The following MALRD1 variants were observed in gnomAD, a reference collection of about 807,000 sequenced individuals.
MALRD1 encodes the protein MAM and LDL-receptor class A domain-containing protein 1.
In MALRD1, 247 loss-of-function variants were observed where a neutral mutation model predicts 242.1. That is an observed-to-expected ratio of 1.02 (90% confidence interval 0.92 to 1.13). MALRD1 has a LOEUF of 1.13. Ranked by LOEUF, MALRD1 falls within the 50% of genes most tolerant of loss-of-function variation. The pLI is 0.00. For missense variants in MALRD1, 2,989 were observed against 2,533.1 expected (o/e 1.18, Z -3.86); for synonymous variants, 995 against 866.6 (o/e 1.15, Z -2.60).
intron 13 of MALRD1, among the ~76,000 whole-genome samples, chr10:19,172,627 T>C (rs1303769325): frequency 6.6e-6 from 1 of 151,514 alleles, no homozygotes; most frequent in Non-Finnish European, 1.5e-5. Flanking sequence ...TGTGAGCGTG[T>C]ACCTCTTTAG....
At chr10:19,188,999 T>C (rs544409733) in intron 14 of MALRD1, among the ~76,000 whole-genome samples, 1 of 151,882 alleles carries the variant, frequency 6.6e-6, no homozygotes, top group South Asian at 2.1e-4. Context: ...AAAAGATTGG[T>C]AAAATTGACA....
rs71388849 is a variant in MALRD1 at position 19,543,433 on chromosome 10, CTTTTTTT to C, written c.5478+12094_5478+12100del. On this transcript the variant is annotated intron_variant, in intron 32 of 39. Transcript: ENST00000454679. ...TGTAAAAATCATGCCCAGCTGATTT[CTTTTTTT>C]TTTTTTTTTTTGAGAGAGAAATGGG... 3.0e-3 allele frequency among the ~76,000 whole-genome samples: 315 copies of C among 106,438 alleles called. 8 individuals carry two copies. Among genetic ancestry groups the C allele is most frequent in the African/African-American group, 9.0e-3 (265 of 29,336 alleles). The allele number at this position is 106,438 out of a possible 152,430, so 69.8% of individuals were successfully genotyped here.
At chr10:19,270,858 ATAT>A (rs1840202410) in intron 19 of MALRD1, among the ~76,000 whole-genome samples, 1 of 151,384 alleles carries the variant, frequency 6.6e-6, no homozygotes, top group Admixed American at 6.6e-5. Flanking sequence ...ACACAAAATA[ATAT>A]TATTTCACTG....
At chr10:19,717,212 C>G (rs1432892437) in intron 38 of MALRD1, among the ~76,000 whole-genome samples, 2 of 152,120 alleles carry the variant, frequency 1.3e-5, no homozygotes, top group African/African-American at 4.8e-5. Context: ...TAGCATGCAA[C>G]TCAATCTCAG....
chr10:19,724,249 T>C (rs1233388442), intron 38 of MALRD1, among the ~76,000 whole-genome samples: 1 of 152,056 alleles, frequency 6.6e-6, no homozygotes, highest in Non-Finnish European at 1.5e-5. Context: ...TACTGGTAAA[T>C]TGGCGGGAGG....
intron 28 of MALRD1, among the ~76,000 whole-genome samples, chr10:19,438,090 A>G (rs1354388674): frequency 1.3e-5 from 2 of 152,030 alleles, no homozygotes; most frequent in African/African-American, 4.8e-5. Flanking sequence ...CAAAACTGAA[A>G]TTCTGTACCC....
intron 19 of MALRD1, among the ~76,000 whole-genome samples, chr10:19,275,040 G>C (rs143125491): frequency 1.9e-4 from 29 of 152,278 alleles, no homozygotes; most frequent in African/African-American, 6.7e-4. Context: ...GGGGTAGAAA[G>C]AGGAAGAATG....
chr10:19,400,356 A>G (rs1165605372), intron 28 of MALRD1, among the ~76,000 whole-genome samples: 1 of 152,200 alleles, frequency 6.6e-6, no homozygotes, highest in Non-Finnish European at 1.5e-5. Context: ...GTTTGAATTC[A>G]GTGGCGGTGT....
intron 18 of MALRD1, among the ~76,000 whole-genome samples, chr10:19,217,371 C>G (rs905665684): frequency 6.6e-6 from 1 of 152,078 alleles, no homozygotes; most frequent in Non-Finnish European, 1.5e-5. Flanking sequence ...CACTTTTCCC[C>G]TGAAACATGC....
intron 32 of MALRD1, among the ~76,000 whole-genome samples, chr10:19,548,298 C>T (rs1835332956): frequency 6.6e-6 from 1 of 152,068 alleles, no homozygotes; most frequent in Admixed American, 6.6e-5. Flanking sequence ...CACGCCTGGC[C>T]TACTTGAGTC....
chr10:19,481,165 A>G (rs1836978933), intron 29 of MALRD1, among the ~76,000 whole-genome samples: 1 of 152,132 alleles, frequency 6.6e-6, no homozygotes, highest in Non-Finnish European at 1.5e-5. Flanking sequence ...GTGAAATCAC[A>G]TTTTAAAATA....
At chr10:19,524,530 G>T (rs777483021) in intron 31 of MALRD1, among the ~76,000 whole-genome samples, 37 of 152,024 alleles carry the variant, frequency 2.4e-4, no homozygotes, top group Admixed American at 2.0e-3. Flanking sequence ...CACAAAAAGA[G>T]ATTGAGAGCG....
At chr10:19,083,946 A>G (rs1486049094) in intron 2 of MALRD1, among the ~76,000 whole-genome samples, 1 of 151,972 alleles carries the variant, frequency 6.6e-6, no homozygotes, top group Non-Finnish European at 1.5e-5. Context: ...TGTGGGGGAA[A>G]AAGTTTCAGA....
Position 19,413,244 on chromosome 10 carries a change from T to A in MALRD1, c.4845+23635T>A, listed in dbSNP as rs114469674. On this transcript the variant is annotated intron_variant, in intron 28 of 39. Coordinates refer to ENST00000454679, the MANE Select transcript of MALRD1 (RefSeq NM_001142308.3). The stretch of plus-strand genomic sequence containing the variant: ...GAAAAACTACTAAATAGTTTTGAGA[T>A]TGAGGCACTATTAATGATTTGACCA... Among the ~76,000 whole-genome samples the A allele has an allele frequency of 1.2e-3, 185 of 152,296 alleles. 1 individual carries two copies. Among genetic ancestry groups the A allele is most frequent in the African/African-American group, 4.4e-3 (184 of 41,586 alleles).
At chr10:19,412,053 C>A (rs1168560956) in intron 28 of MALRD1, among the ~76,000 whole-genome samples, 2 of 152,202 alleles carry the variant, frequency 1.3e-5, no homozygotes, top group Non-Finnish European at 2.9e-5. Context: ...AATCCCAGCA[C>A]TTTGGGAGGC....
At chr10:19,733,751 CTT>C (rs1175714983) in intron 39 of MALRD1, among the ~76,000 whole-genome samples, 2 of 149,674 alleles carry the variant, frequency 1.3e-5, no homozygotes, top group Non-Finnish European at 3.0e-5. Context: ...TTACAGGAAA[CTT>C]AAATGAAATG....
intron 38 of MALRD1, among the ~76,000 whole-genome samples, chr10:19,695,498 A>AG (rs1189787723): frequency 6.7e-6 from 1 of 149,080 alleles, no homozygotes; most frequent in African/African-American, 2.5e-5. Flanking sequence ...GCAAAAGAGA[A>AG]GCAAAGGCAT....
chr10:19,226,508 G>A (rs10827088), intron 18 of MALRD1, among the ~76,000 whole-genome samples: 31,278 of 151,902 alleles, frequency 0.21, 3,479 homozygotes, highest in East Asian at 0.35. Flanking sequence ...TCATTGATAA[G>A]TGTTTAATAC....
chr10:19,732,331 C>T (rs918145273), intron 39 of MALRD1, among the ~76,000 whole-genome samples: 6 of 152,018 alleles, frequency 3.9e-5, no homozygotes, highest in African/African-American at 1.5e-4. Flanking sequence ...GGTGTGATCT[C>T]GACTCACTGC....
Sources: gnomAD v4.1 joint callset for allele counts (sites outside exome capture counted in the v4.1 genomes callset) on GRCh38, gnomAD v4.1.1 for gene constraint, MANE v1.5 for transcripts, NCBI Gene and HGNC (gene_info 2026-07-23, HGNC 2026-07-21) for gene names.